The following DGKB variants were observed in gnomAD, a reference collection of about 807,000 sequenced individuals.
DGKB encodes the protein diacylglycerol kinase beta, also known as 90 kDa diacylglycerol kinase.
Under a neutral mutation model 114.3 loss-of-function variants are expected in DGKB, and 67 were observed. The ratio of observed to expected loss-of-function variants is 0.59; its 90% confidence interval spans 0.48 to 0.72. DGKB has a LOEUF of 0.72. Among genes scored for constraint, DGKB ranks in the 30% least tolerant of loss-of-function variants. The pLI, the probability that DGKB is intolerant of heterozygous loss-of-function variation, is 0.00. For synonymous variants in DGKB, 398 were observed against 323.1 expected, an observed-to-expected ratio of 1.23 and a Z score of -2.49; for missense variants, 907 against 975.2, an observed-to-expected ratio of 0.93 and a Z score of 0.93.
intron 5 of DGKB, among the ~76,000 whole-genome samples, chr7:14,728,576 T>C (rs1830362929): frequency 6.6e-6 from 1 of 152,166 alleles, no homozygotes; most frequent in South Asian, 2.1e-4. Flanking sequence ...ACTTACAAGG[T>C]CATGAGCATC....
intron 23 of DGKB, among the ~76,000 whole-genome samples, chr7:14,233,862 G>A (rs1792310114): frequency 6.6e-6 from 1 of 151,998 alleles, no homozygotes. Context: ...CAGAGAGTGA[G>A]AGAAAGCCGG....
intron 23 of DGKB, among the ~76,000 whole-genome samples, chr7:14,314,279 A>G (rs532661296): frequency 0.058 from 8,800 of 151,954 alleles, 800 homozygotes; most frequent in African/African-American, 0.2. Flanking sequence ...AAAGCTGGAC[A>G]GAGAATGACT....
intron 20 of DGKB, among the ~76,000 whole-genome samples, chr7:14,510,510 C>T (rs1787828140): frequency 6.6e-6 from 1 of 152,098 alleles, no homozygotes; most frequent in Non-Finnish European, 1.5e-5. Flanking sequence ...CTTATTCTTG[C>T]TATTTCTACC....
intron 20 of DGKB, among the ~76,000 whole-genome samples, chr7:14,553,687 T>A (rs1256194718): frequency 6.6e-6 from 1 of 152,094 alleles, no homozygotes; most frequent in African/African-American, 2.4e-5. Context: ...TTTAAATACA[T>A]TGAATAATGC....
At chr7:14,565,738 C>T (rs1797292600) in intron 20 of DGKB, among the ~76,000 whole-genome samples, 1 of 151,976 alleles carries the variant, frequency 6.6e-6, no homozygotes, top group South Asian at 2.1e-4. Context: ...TTTCAGTATC[C>T]ATGGCTCTTA....
At chr7:14,292,741 T>A (rs947960375) in intron 23 of DGKB, among the ~76,000 whole-genome samples, 1 of 152,210 alleles carries the variant, frequency 6.6e-6, no homozygotes, top group South Asian at 2.1e-4. Context: ...TGCCTCTGTG[T>A]ACCTGCTGCT....
At chr7:14,530,435 T>C (rs1462085820) in intron 20 of DGKB, among the ~76,000 whole-genome samples, 1 of 151,528 alleles carries the variant, frequency 6.6e-6, no homozygotes, top group Non-Finnish European at 1.5e-5. Context: ...TATGGAAGTA[T>C]GATTGACCTA....
intron 2 of DGKB, among the ~76,000 whole-genome samples, chr7:14,830,844 T>C (rs1257215025): frequency 6.6e-6 from 1 of 152,046 alleles, no homozygotes; most frequent in African/African-American, 2.4e-5. Context: ...TCTATGTTCA[T>C]TTTATAATAA....
intron 21 of DGKB, among the ~76,000 whole-genome samples, chr7:14,459,282 CA>C (rs980168621): frequency 6.6e-6 from 1 of 152,126 alleles, no homozygotes; most frequent in Non-Finnish European, 1.5e-5. Context: ...GCAGCTTCAG[CA>C]ACTTAAACCT....
In DGKB at chr7:14,621,381, C is replaced by A; in HGVS notation, c.1281G>T (p.Leu427=). 2 of 1,596,926 alleles carry A rather than the reference C, an allele frequency of 1.3e-6. No homozygotes were observed. Among genetic ancestry groups the A allele is most frequent in the African/African-American group, 2.7e-5 (2 of 74,646 alleles). The part of the protein sequence containing the change: ...ANSVTVDGQG[L]QVTPVPGTHP... ...ATTTTGATTTAAAAAATCATACCTG[C>A]AGGCCTTGTCCATCTACAGTAACAG... The change falls in exon 15 of 26, where the codon CTG becomes CTT. Residue 427 remains leucine, a synonymous_variant. Transcript: ENST00000402815.
chr7:14,589,743 C>A (rs1420271911), intron 17 of DGKB, among the ~76,000 whole-genome samples: 3 of 151,770 alleles, frequency 2.0e-5, no homozygotes, highest in Non-Finnish European at 4.4e-5. Context: ...TTTCAGGCAC[C>A]CAAATTGATT....
intron 4 of DGKB, among the ~76,000 whole-genome samples, chr7:14,743,538 G>A (rs1040104358): frequency 2.0e-5 from 3 of 152,080 alleles, no homozygotes; most frequent in Non-Finnish European, 4.4e-5. Context: ...ATGCTACAGA[G>A]GGTCCCTAGA....
At chr7:14,858,870 T>C (rs1231122357) in intron 1 of DGKB, among the ~76,000 whole-genome samples, 1 of 152,172 alleles carries the variant, frequency 6.6e-6, no homozygotes, top group Non-Finnish European at 1.5e-5. Flanking sequence ...GTCACTGTCA[T>C]AGGTTCCGGG....
intron 20 of DGKB, among the ~76,000 whole-genome samples, chr7:14,509,478 T>G (rs2128972458): frequency 6.6e-6 from 1 of 152,292 alleles, no homozygotes; most frequent in African/African-American, 2.4e-5. Context: ...CTCCCACCCA[T>G]TTCAGTCCTG....
chr7:14,448,074 T>C (rs533610346), intron 21 of DGKB, among the ~76,000 whole-genome samples: 1 of 152,086 alleles, frequency 6.6e-6, no homozygotes, highest in East Asian at 1.9e-4. Flanking sequence ...CATAAATTTA[T>C]TGAGCAGTTT....
At chr7:14,517,538 G>T (rs1223368267) in intron 20 of DGKB, among the ~76,000 whole-genome samples, 1 of 151,826 alleles carries the variant, frequency 6.6e-6, no homozygotes, top group Admixed American at 6.6e-5. Flanking sequence ...CTACAGATTG[G>T]AAAAAGCTTT....
intron 23 of DGKB, among the ~76,000 whole-genome samples, chr7:14,279,711 G>A (rs1249477520): frequency 1.3e-5 from 2 of 151,820 alleles, no homozygotes; most frequent in Admixed American, 6.6e-5. Context: ...CCTGACCCCC[G>A]AGCAGCCTAA....
At chr7:14,315,851 C>G (rs959693521) in intron 23 of DGKB, among the ~76,000 whole-genome samples, 1 of 150,370 alleles carries the variant, frequency 6.7e-6, no homozygotes, top group African/African-American at 2.4e-5. Context: ...CACCACACCA[C>G]ACCTATTCCA....
At chr7:14,882,968 T>G (rs2128215980) in intron 1 of DGKB, among the ~76,000 whole-genome samples, 1 of 152,070 alleles carries the variant, frequency 6.6e-6, no homozygotes, top group Admixed American at 6.6e-5. Flanking sequence ...TATTATTCAT[T>G]TATATTTCTA....
Sources: allele counts gnomAD v4.1 joint callset (sites outside exome capture counted in the v4.1 genomes callset), GRCh38; gene constraint gnomAD v4.1.1; transcripts MANE v1.5; gene names NCBI Gene and HGNC (gene_info 2026-07-23, HGNC 2026-07-21).